Variants in GRAMD2B observed in about 807,000 individuals in gnomAD.
GRAMD2B encodes the protein GRAM domain containing 2B.
Under a neutral mutation model 59.2 loss-of-function variants are expected in GRAMD2B, and 41 were observed. That is an observed-to-expected ratio of 0.69 (90% CI 0.54 to 0.90). GRAMD2B has a LOEUF of 0.90. Among genes scored for constraint, GRAMD2B ranks in the 40% least tolerant of loss-of-function variants. The pLI, the probability that GRAMD2B is intolerant of heterozygous loss-of-function variation, is 0.00. For missense variants in GRAMD2B, 424 were observed against 500.5 expected, an observed-to-expected ratio of 0.85 and a Z score of 1.46; for synonymous variants, 161 against 182.7, an observed-to-expected ratio of 0.88 and a Z score of 0.96.
chr5:126,371,422 T>G (rs1268607774), exon 1 of GRAMD2B: 1 of 1,276,384 alleles, frequency 7.8e-7, no homozygotes, highest in Non-Finnish European at 1.0e-6. Flanking sequence ...GTTCCTTGAC[T>G]TGCGGGTCAA....
chr5:126,385,705 G>A (rs759395761), intron 1 of GRAMD2B, among the ~76,000 whole-genome samples: 9 of 152,172 alleles, frequency 5.9e-5, no homozygotes, highest in Non-Finnish European at 1.2e-4. Flanking sequence ...AGGTTCTTAT[G>A]TTGCTTATAA....
At chr5:126,405,715 C>A (rs1304686714) in intron 1 of GRAMD2B, among the ~76,000 whole-genome samples, 1 of 150,302 alleles carries the variant, frequency 6.7e-6, no homozygotes. Context: ...CTAGAAATTT[C>A]TAAGTTGCCA....
At chr5:126,374,604 T>G (rs1755033423) in intron 1 of GRAMD2B, among the ~76,000 whole-genome samples, 1 of 152,238 alleles carries the variant, frequency 6.6e-6, no homozygotes, top group South Asian at 2.1e-4. Flanking sequence ...TAAGAAATCC[T>G]TCCATACCCT....
chr5:126,461,450 T>G (rs1388068748), intron 1 of GRAMD2B, among the ~76,000 whole-genome samples: 2 of 152,226 alleles, frequency 1.3e-5, no homozygotes, highest in Admixed American at 6.5e-5. Context: ...ATAAATTGTG[T>G]AACAGTGTGT....
chr5:126,419,098 C>T (rs1235617476), upstream of GRAMD2B, among the ~76,000 whole-genome samples: 1 of 152,112 alleles, frequency 6.6e-6, no homozygotes, highest in African/African-American at 2.4e-5. Flanking sequence ...AGTTAGGTAA[C>T]TATAATATTT....
chr5:126,432,849 T>A (rs1019979143), intron 1 of GRAMD2B, among the ~76,000 whole-genome samples: 6 of 152,230 alleles, frequency 3.9e-5, no homozygotes, highest in African/African-American at 1.4e-4. Context: ...CAGCACCTTT[T>A]CTCAAATTCT....
At chr5:126,394,990 G>A (rs979073046) in intron 1 of GRAMD2B, among the ~76,000 whole-genome samples, 1 of 151,700 alleles carries the variant, frequency 6.6e-6, no homozygotes, top group Non-Finnish European at 1.5e-5. Flanking sequence ...GGTCTCCAAA[G>A]TATATTAATG....
At chr5:126,456,385 G>C (rs4835901) in intron 1 of GRAMD2B, among the ~76,000 whole-genome samples, 3 of 150,462 alleles carry the variant, frequency 2.0e-5, no homozygotes, top group Non-Finnish European at 3.0e-5. Flanking sequence ...TAAATTTTTT[G>C]TTTTTTTTTG....
upstream of GRAMD2B, among the ~76,000 whole-genome samples, chr5:126,368,840 G>C (rs1194162484): frequency 6.6e-6 from 1 of 152,202 alleles, no homozygotes; most frequent in African/African-American, 2.4e-5. Flanking sequence ...CCATAGGCTA[G>C]TAAATTGCTG....
chr5:126,489,415 C>A (rs1773536803), intron 13 of GRAMD2B, among the ~76,000 whole-genome samples: 1 of 152,220 alleles, frequency 6.6e-6, no homozygotes, highest in South Asian at 2.1e-4. Flanking sequence ...CCTAGAAAGG[C>A]AGCAGACGTG....
intron 1 of GRAMD2B, among the ~76,000 whole-genome samples, chr5:126,365,541 A>G (rs1050121771): frequency 3.9e-5 from 6 of 152,196 alleles, no homozygotes; most frequent in Non-Finnish European, 7.4e-5. Flanking sequence ...GAATGTTTAA[A>G]TGTTTACAGC....
At position 126,465,421 on chromosome 5, in the gene GRAMD2B, T is replaced by G; in HGVS notation, c.84-5T>G. The G allele has an allele frequency of 6.2e-7, 1 of 1,614,174 alleles. No individual in the cohort carries two copies. The highest frequency in any genetic ancestry group is 8.5e-7 in the Non-Finnish European group (1 of 1,180,018). On this transcript the variant is annotated splice_polypyrimidine_tract_variant and splice_region_variant and intron_variant, in intron 1 of 13. Transcript: ENST00000285689. ...TAAAGTGAAGCGGTTTCCTTTCTTC[T>G]TCAGCTCAGAGGCTGAGAATGGTGT...
intron 2 of GRAMD2B, among the ~76,000 whole-genome samples, chr5:126,466,497 C>T (rs1768445404): frequency 6.6e-6 from 1 of 151,892 alleles, no homozygotes; most frequent in African/African-American, 2.4e-5. Flanking sequence ...ACATTCTCAG[C>T]TCACAGCAAC....
chr5:126,389,208 G>A (rs912012918), intron 1 of GRAMD2B, among the ~76,000 whole-genome samples: 1 of 152,160 alleles, frequency 6.6e-6, no homozygotes, highest in African/African-American at 2.4e-5. Flanking sequence ...ACCCCTCATA[G>A]GGTTATTGTA....
chr5:126,378,864 A>G lies in GRAMD2B; in HGVS notation c.125+7297A>G, dbSNP rs190569445. Among the ~76,000 whole-genome samples the G allele has an allele frequency of 2.8e-3, 431 of 152,288 alleles. 1 individual carries two copies. The highest frequency in any genetic ancestry group is 0.01 in the African/African-American group (416 of 41,568). ...CAGACCACCAAAAATTGTTATTTTA[A>G]AAAATACACACTATTCAATTACCCA... On this transcript the variant is annotated intron_variant, in intron 1 of 8. Transcript: ENST00000506445.
chr5:126,434,527 T>C (rs533740256), intron 1 of GRAMD2B, among the ~76,000 whole-genome samples: 2 of 151,042 alleles, frequency 1.3e-5, no homozygotes, highest in Non-Finnish European at 3.0e-5. Context: ...TTTATTTTTA[T>C]TTTTTTTTGA....
At chr5:126,410,393 G>A (rs977708126) in intron 1 of GRAMD2B, among the ~76,000 whole-genome samples, 3 of 151,716 alleles carry the variant, frequency 2.0e-5, no homozygotes, top group Admixed American at 6.6e-5. Context: ...TCTCCTTGAA[G>A]AGGTCCTTCA....
chr5:126,402,391 G>C (rs1260288649), intron 1 of GRAMD2B, among the ~76,000 whole-genome samples: 1 of 152,034 alleles, frequency 6.6e-6, no homozygotes, highest in East Asian at 1.9e-4. Flanking sequence ...GCTAACCTAG[G>C]AAGGAAATAC....
At chr5:126,371,263 T>G (rs1465639944), upstream of GRAMD2B, 1 of 1,086,024 alleles carries the variant, frequency 9.2e-7, no homozygotes, top group African/African-American at 1.7e-5. Flanking sequence ...CACACTGATA[T>G]GTTAATCATT....
Sources: allele counts gnomAD v4.1 joint callset (sites outside exome capture counted in the v4.1 genomes callset), GRCh38; gene constraint gnomAD v4.1.1; transcripts MANE v1.5; gene names NCBI Gene and HGNC (gene_info 2026-07-23, HGNC 2026-07-21).